The following ALMS1 variants were observed in gnomAD, a reference collection of about 807,000 sequenced individuals.
ALMS1 encodes the protein centrosome-associated protein ALMS1.
Under a neutral mutation model 352.2 loss-of-function variants are expected in ALMS1, and 271 were observed. That is an observed-to-expected ratio of 0.77 (90% confidence interval 0.70 to 0.85). The LOEUF (loss-of-function observed/expected upper bound fraction) is 0.85. Among genes scored for constraint, ALMS1 ranks in the 40% least tolerant of loss-of-function variants. ALMS1 has a pLI of 0.00. For synonymous variants in ALMS1, 1,865 were observed against 1,761.2 expected (o/e 1.06, Z -1.48); for missense variants, 5,445 against 4,870.7 (o/e 1.12, Z -3.51).
chr2:73,406,514 T>C (rs918288776), intron 1 of ALMS1, among the ~76,000 whole-genome samples: 3 of 151,892 alleles, frequency 2.0e-5, no homozygotes, highest in East Asian at 3.9e-4. Flanking sequence ...TCTTTGTGTT[T>C]AGTCAATTTT....
chr2:73,581,689 C>A (rs1177581193), intron 16 of ALMS1, among the ~76,000 whole-genome samples: 1 of 152,080 alleles, frequency 6.6e-6, no homozygotes, highest in Non-Finnish European at 1.5e-5. Flanking sequence ...GCTTGTCGTT[C>A]CCAGGTGGAG....
At chr2:73,502,712 A>G (rs1673242058) in intron 10 of ALMS1, among the ~76,000 whole-genome samples, 1 of 152,098 alleles carries the variant, frequency 6.6e-6, no homozygotes, top group Admixed American at 6.5e-5. Context: ...CAGTTGATCA[A>G]CTGTATTGTT....
At chr2:73,462,692 G>A (rs1351269822) in intron 9 of ALMS1, 3 of 152,172 alleles carry the variant, frequency 2.0e-5, no homozygotes, top group Non-Finnish European at 4.4e-5. Context: ...ACCCATCAGT[G>A]TGCTGTATTC....
rs17848882 is a variant in ALMS1, at chr2:73,452,672, T to A, written c.6145T>A (p.Ser2049Thr). The A allele has an allele frequency of 1.5e-4, 238 of 1,613,822 alleles. 4 individuals carry two copies. The East Asian group carries it at 5.2e-3, about 35-fold the overall frequency. The change falls in exon 8 of 23, where the codon TCT becomes ACT. Residue 2049 changes from serine to threonine, a missense_variant. Physicochemically the swap from Ser to Thr is moderately conservative, Grantham distance 58 (BLOSUM62 1). Transcript: ENST00000613296. The part of the protein sequence containing the change: ...PSQTAFHSSY[S>T]QTVKPNILFQ... ...CCAGACAGCTTTTCATAGTTCCTAT[T>A]CTCAAACAGTAAAGCCCAATATTTT...
At chr2:73,388,377 A>T (rs192678305) in intron 1 of ALMS1, among the ~76,000 whole-genome samples, 96 of 152,346 alleles carry the variant, frequency 6.3e-4, no homozygotes, top group Middle Eastern at 3.4e-3. Context: ...TCACCCAAAT[A>T]ATATACCTTT....
chr2:73,403,460 A>G (rs955439043), intron 1 of ALMS1, among the ~76,000 whole-genome samples: 1 of 152,166 alleles, frequency 6.6e-6, no homozygotes, highest in African/African-American at 2.4e-5. Context: ...GAAACCAGGA[A>G]GTGTGCTTCC....
rs11678761 is a variant in ALMS1 at position 73,597,596 on chromosome 2, C to T, written c.11548-1805C>T. Among the ~76,000 whole-genome samples, 872 of 152,118 alleles carry T rather than the reference C, an allele frequency of 5.7e-3. 2 individuals are homozygous for T. Among genetic ancestry groups the T allele is most frequent in the Non-Finnish European group, 9.5e-3 (643 of 67,990 alleles). On this transcript the variant is annotated intron_variant, in intron 16 of 22. Transcript: ENST00000613296. Reference sequence around the variant, plus strand: ...ATATATTTTTTAACATCATTTTAGTCTCTAGTTTTATATCAGTGTTTTATA... The same window carrying T: ...ATATATTTTTTAACATCATTTTAGTTTCTAGTTTTATATCAGTGTTTTATA...
At chr2:73,539,113 G>C (rs1674101291) in intron 12 of ALMS1, among the ~76,000 whole-genome samples, 1 of 152,176 alleles carries the variant, frequency 6.6e-6, no homozygotes, top group East Asian at 1.9e-4. Context: ...CCCCTGAGTA[G>C]CCTAACTGGG....
At chr2:73,604,620 C>CT (rs1675774613) in intron 21 of ALMS1, among the ~76,000 whole-genome samples, 2 of 152,148 alleles carry the variant, frequency 1.3e-5, no homozygotes, top group Admixed American at 6.5e-5. Context: ...TGTTTTTACT[C>CT]TATCTAGTCA....
intron 15 of ALMS1, among the ~76,000 whole-genome samples, chr2:73,559,469 AG>A (rs952168790): frequency 2.6e-5 from 4 of 152,166 alleles, no homozygotes; most frequent in African/African-American, 4.8e-5. Context: ...AAGGCCTTCC[AG>A]AAGACTATAG....
In ALMS1 at chr2:73,519,775, A is replaced by T. The variant is rs1673633430; in HGVS notation, c.9540A>T (p.Arg3180=). The part of the protein sequence containing the change: ...NPEGTPVFAD[R]LPEKMKTPLS... ...TGTATTCTTTCTCTTTTTTGGTCAGATTACCAGAGAAGATGAAGACCCCAC... is the reference window on the plus strand; with the variant it reads ...TGTATTCTTTCTCTTTTTTGGTCAGTTTACCAGAGAAGATGAAGACCCCAC... The change falls in exon 11 of 23, where the codon CGA becomes CGT. Residue 3180 remains arginine (R), a splice_region_variant and synonymous_variant. Coordinates refer to ENST00000613296, the MANE Select transcript of ALMS1 (RefSeq NM_001378454.1). 1.9e-6 allele frequency: 3 copies of T among 1,613,720 alleles called. No homozygotes were observed. In the South Asian group the frequency reaches 3.3e-5, roughly 18 times the overall value.
chr2:73,550,527 G>C, intron 13 of ALMS1, 90 bp downstream of exon 13: 1 of 1,518,984 alleles, frequency 6.6e-7, no homozygotes, highest in Non-Finnish European at 9.0e-7. Context: ...CTTTTTTTCT[G>C]TTTTGTTATA....
chr2:73,531,192 T>C (rs768796026), intron 11 of ALMS1, among the ~76,000 whole-genome samples: 1 of 152,260 alleles, frequency 6.6e-6, no homozygotes, highest in Non-Finnish European at 1.5e-5. Flanking sequence ...TATGCCCTGC[T>C]TCCCTTTTAA....
chr2:73,551,883 T>C (rs1674443241), intron 13 of ALMS1, among the ~76,000 whole-genome samples: 1 of 152,198 alleles, frequency 6.6e-6, no homozygotes, highest in Non-Finnish European at 1.5e-5. Context: ...CATTTATACT[T>C]TTTTATTCCT....
intron 11 of ALMS1, among the ~76,000 whole-genome samples, chr2:73,529,748 A>G (rs1184329703): frequency 6.6e-6 from 1 of 152,158 alleles, no homozygotes; most frequent in African/African-American, 2.4e-5. Flanking sequence ...GAGACTGGTT[A>G]ATTTATAAAG....
At chr2:73,529,273 A>G (rs1010620916) in intron 11 of ALMS1, among the ~76,000 whole-genome samples, 1 of 152,000 alleles carries the variant, frequency 6.6e-6, no homozygotes, top group Non-Finnish European at 1.5e-5. Context: ...TGAACTCCCG[A>G]CCTCAGGTGA....
Position 73,451,083 on chromosome 2 carries a change from C to A in ALMS1, c.4556C>A (p.Thr1519Asn). ...VGQTTGAPTITSPSYSQHRAK... is the reference protein window; with the variant it reads ...VGQTTGAPTINSPSYSQHRAK... Reference sequence around the variant, plus strand: ...CAGACAACTGGCGCACCAACTATAACCTCTCCTTCCTACTCACAACATAGA... The same window carrying A: ...CAGACAACTGGCGCACCAACTATAAACTCTCCTTCCTACTCACAACATAGA... Residue 1519 changes from threonine to asparagine, a missense_variant, in exon 8 of 23, where the codon ACC becomes AAC. Coordinates refer to ENST00000613296, the MANE Select transcript of ALMS1 (RefSeq NM_001378454.1). The A allele has an allele frequency of 6.2e-7, 1 of 1,613,706 alleles. No homozygotes were observed. The highest frequency in any genetic ancestry group is 8.5e-7 in the Non-Finnish European group (1 of 1,179,892).
At chr2:73,568,080 A>G (rs1674838815) in intron 15 of ALMS1, among the ~76,000 whole-genome samples, 1 of 152,226 alleles carries the variant, frequency 6.6e-6, no homozygotes, top group Non-Finnish European at 1.5e-5. Flanking sequence ...AGCTTATAGT[A>G]AAAGAAATGC....
chr2:73,582,001 C>T (rs1033344849), intron 16 of ALMS1, among the ~76,000 whole-genome samples: 2 of 152,158 alleles, frequency 1.3e-5, no homozygotes, highest in Non-Finnish European at 2.9e-5. Flanking sequence ...CTTGGCCTCC[C>T]AAAATGCTGG....
Sources: gnomAD v4.1 joint callset for allele counts (sites outside exome capture counted in the v4.1 genomes callset) on GRCh38, gnomAD v4.1.1 for gene constraint, MANE v1.5 for transcripts, NCBI Gene and HGNC (gene_info 2026-07-23, HGNC 2026-07-21) for gene names.